PPIG: variants seen among roughly 807,000 people sequenced by gnomAD.
The protein encoded by PPIG is peptidyl-prolyl cis-trans isomerase G.
In PPIG, 26 loss-of-function variants were observed where a neutral mutation model predicts 87.9. The ratio of observed to expected loss-of-function variants is 0.30; its 90% CI spans 0.22 to 0.41. PPIG has a LOEUF of 0.41. Ranked by LOEUF, PPIG falls within the 10% of genes least tolerant of loss-of-function variation. The pLI is 1.00. For missense variants in PPIG, 722 were observed against 879.4 expected (o/e 0.82, Z 2.26); for synonymous variants, 308 against 276.5 (o/e 1.11, Z -1.13).
At chr2:169,598,668 AG>A (rs1363740571) in intron 1 of PPIG, among the ~76,000 whole-genome samples, 1 of 152,050 alleles carries the variant, frequency 6.6e-6, no homozygotes, top group Admixed American at 6.6e-5. Flanking sequence ...TGGAGACAGC[AG>A]TAAATGAACA....
At chr2:169,607,059 TGAG>T in intron 5 of PPIG, 42 bp from the exon 6 acceptor site, 1 of 1,283,486 alleles carries the variant, frequency 7.8e-7, no homozygotes, top group Non-Finnish European at 1.1e-6. Flanking sequence ...GTATCACCTT[TGAG>T]GAGCTTACTG....
intron 1 of PPIG, among the ~76,000 whole-genome samples, chr2:169,590,646 AAAAC>A (rs923157906): frequency 1.1e-4 from 16 of 152,112 alleles, no homozygotes; most frequent in African/African-American, 1.7e-4. Context: ...CCCTCTCAGA[AAAAC>A]AAACAAACAA....
intron 9 of PPIG, among the ~76,000 whole-genome samples, chr2:169,618,505 C>CT (rs1348188806): frequency 3.3e-5 from 5 of 152,190 alleles, no homozygotes; most frequent in African/African-American, 1.2e-4. Flanking sequence ...GGTTGGTAGT[C>CT]TGTTAATTAC....
rs1686295038 is a variant in PPIG, at chr2:169,640,829, C to G, written c.*3306C>G. On this transcript the variant is annotated 3_prime_UTR_variant, in exon 14 of 14. Coordinates refer to ENST00000260970, the MANE Select transcript of PPIG (RefSeq NM_004792.3). ...ACTAACTGCCTTCAGTGGATTCGGG[C>G]AAGTGCAAAGTCTTTGGCCTATTGT... 1 of 152,058 alleles carries G rather than the reference C, an allele frequency of 6.6e-6. No individual in the cohort carries two copies. The highest frequency in any genetic ancestry group is 2.4e-5 in the African/African-American group (1 of 41,400). The allele number at this position is 152,058 out of a possible 1,614,324, so 9.4% of individuals were successfully genotyped here. A position where few individuals can be genotyped will look rare whatever the true frequency, so the allele number is the denominator to read the frequency against.
rs534400225 is a variant in PPIG at position 169,592,419 on chromosome 2, C to T, written c.-70+7929C>T. Among the ~76,000 whole-genome samples, 19 of 150,968 alleles carry T rather than the reference C, an allele frequency of 1.3e-4. 1 individual carries two copies. In the South Asian group the frequency reaches 4.0e-3, roughly 31 times the overall value. ...TCCCGGGTTCACGCCATTCTCCTGCCTCAGCCTCCAGAGTAGCTGGGACTA... is the reference window on the plus strand; with the variant it reads ...TCCCGGGTTCACGCCATTCTCCTGCTTCAGCCTCCAGAGTAGCTGGGACTA... On this transcript the variant is annotated intron_variant, in intron 1 of 13. Coordinates refer to ENST00000260970, the MANE Select transcript of PPIG (RefSeq NM_004792.3).
intron 10 of PPIG, 80 bp from the exon 11 acceptor site, chr2:169,631,686 A>G: frequency 6.3e-7 from 1 of 1,595,662 alleles, no homozygotes; most frequent in Non-Finnish European, 8.5e-7. Flanking sequence ...ATATAAAGGA[A>G]AGAAATACCA....
In PPIG at chr2:169,632,841, C is replaced by T. The variant is rs778444388; in HGVS notation, c.930-319C>T. Among the ~76,000 whole-genome samples the T allele has an allele frequency of 7.4e-4, 112 of 151,044 alleles. 1 individual carries two copies. Among genetic ancestry groups the T allele is most frequent in the Non-Finnish European group, 9.5e-4 (64 of 67,712 alleles). On this transcript the variant is annotated intron_variant, in intron 11 of 13. Transcript: ENST00000260970. Reference sequence around the variant, plus strand: ...TGATCAGAAATACATTGTCATAATACAAGTAATAAAATTCTTGGCCAGGCA... The same window carrying T: ...TGATCAGAAATACATTGTCATAATATAAGTAATAAAATTCTTGGCCAGGCA...
chr2:169,632,019 T>C (rs1005473825), intron 11 of PPIG, 86 bp downstream of exon 11: 3 of 1,330,508 alleles, frequency 2.3e-6, no homozygotes, highest in Non-Finnish European at 2.9e-6. Flanking sequence ...CAAGATTTAA[T>C]TGGTGACCTT....
intron 7 of PPIG, among the ~76,000 whole-genome samples, chr2:169,611,217 A>G (rs768520519): frequency 9.9e-5 from 15 of 152,144 alleles, no homozygotes; most frequent in Non-Finnish European, 2.2e-4. Context: ...ACAACTTATA[A>G]TTACCTCTTC....
At chr2:169,620,999 A>G (rs1685733096) in intron 9 of PPIG, among the ~76,000 whole-genome samples, 1 of 152,174 alleles carries the variant, frequency 6.6e-6, no homozygotes, top group Admixed American at 6.5e-5. Flanking sequence ...ATAGTATTAC[A>G]TATCCCTATT....
At chr2:169,591,919 GATTT>G (rs1684874315) in intron 1 of PPIG, among the ~76,000 whole-genome samples, 1 of 102,680 alleles carries the variant, frequency 9.7e-6, no homozygotes, top group African/African-American at 3.3e-5. Context: ...GGCAATTCAT[GATTT>G]TTTTTTTTTT....
At chr2:169,606,003 C>T (rs369722077) in intron 4 of PPIG, 36 bp from the exon 5 acceptor site, 1 of 1,467,374 alleles carries the variant, frequency 6.8e-7, no homozygotes, top group Admixed American at 1.8e-5. Context: ...CTTTGATTTC[C>T]TTTCTATTAA....
chr2:169,608,248 T>C (rs183978650), intron 6 of PPIG, among the ~76,000 whole-genome samples: 1 of 152,102 alleles, frequency 6.6e-6, no homozygotes, highest in East Asian at 1.9e-4. Flanking sequence ...CCCAGCACTT[T>C]GGGAGGCCGA....
At chr2:169,605,507 T>TA (rs1255899470) in intron 4 of PPIG, among the ~76,000 whole-genome samples, 2 of 147,406 alleles carry the variant, frequency 1.4e-5, no homozygotes, top group Non-Finnish European at 3.0e-5. Context: ...CTGTCTCAAT[T>TA]AAAAAAATAG....
chr2:169,614,289 A>C (rs1353724602), intron 7 of PPIG, among the ~76,000 whole-genome samples, 175 bp from the exon 8 acceptor site: 1 of 152,182 alleles, frequency 6.6e-6, no homozygotes, highest in African/African-American at 2.4e-5. Context: ...TGTGGAAAGC[A>C]TTTTGCCTTC....
intron 1 of PPIG, among the ~76,000 whole-genome samples, chr2:169,594,230 G>A (rs1356863942): frequency 1.3e-5 from 2 of 149,900 alleles, no homozygotes; most frequent in Non-Finnish European, 3.0e-5. Context: ...TTTCAAAGGA[G>A]TTGTATATGA....
intron 5 of PPIG, 89 bp from the exon 6 acceptor site, chr2:169,607,015 C>T: frequency 2.4e-6 from 2 of 824,398 alleles, no homozygotes; most frequent in Non-Finnish European, 1.9e-6. Flanking sequence ...CAAAATTATT[C>T]AAAAATCTAC....
chr2:169,599,970 G>A (rs578091374), intron 1 of PPIG, among the ~76,000 whole-genome samples: 2 of 151,694 alleles, frequency 1.3e-5, no homozygotes, highest in East Asian at 1.9e-4. Context: ...TACTTCATTA[G>A]TGAATCTAAA....
chr2:169,618,417 C>A (rs1685658212), intron 9 of PPIG, among the ~76,000 whole-genome samples: 1 of 152,112 alleles, frequency 6.6e-6, no homozygotes, highest in Non-Finnish European at 1.5e-5. Flanking sequence ...GGAATAGTTT[C>A]AGAAGGAATG....
Sources: allele counts gnomAD v4.1 joint callset (sites outside exome capture counted in the v4.1 genomes callset), GRCh38; gene constraint gnomAD v4.1.1; transcripts MANE v1.5; gene names NCBI Gene and HGNC (gene_info 2026-07-23, HGNC 2026-07-21).